Variants in AMPD3 observed in about 807,000 individuals in gnomAD.
AMPD3 encodes adenosine monophosphate deaminase 3.
In AMPD3, 57 loss-of-function variants were observed where a neutral mutation model predicts 82.3. The ratio of observed to expected loss-of-function variants is 0.69; its 90% CI spans 0.56 to 0.86. The LOEUF (loss-of-function observed/expected upper bound fraction) is 0.86. Among genes scored for constraint, AMPD3 ranks in the 40% least tolerant of loss-of-function variants. The pLI is 0.00. For synonymous variants in AMPD3, 381 were observed against 394.7 expected, an observed-to-expected ratio of 0.97 and a Z score of 0.41; for missense variants, 870 against 1,003.8, an observed-to-expected ratio of 0.87 and a Z score of 1.80.
chr11:10,503,002 G>A (rs1213915194), intron 13 of AMPD3, 108 bp downstream of exon 13: 4 of 1,333,536 alleles, frequency 3.0e-6, no homozygotes, highest in Admixed American at 1.9e-5. Context: ...TTTGGGGTGG[G>A]GTTGGTGGCC....
intron 3 of AMPD3, among the ~76,000 whole-genome samples, chr11:10,480,443 C>A (rs1416078673): frequency 6.6e-6 from 1 of 150,606 alleles, no homozygotes; most frequent in Admixed American, 6.6e-5. Context: ...AAGGAATTAA[C>A]ATACCTTATG....
intron 5 of AMPD3, 194 bp from the exon 6 acceptor site, chr11:10,487,041 T>C (rs1849091935): frequency 1.0e-6 from 1 of 978,370 alleles, no homozygotes; most frequent in Non-Finnish European, 1.2e-6. Context: ...CTCCTGACTC[T>C]CCACTGACTT....
At chr11:10,464,793 C>T (rs1402767874) in intron 2 of AMPD3, among the ~76,000 whole-genome samples, 2 of 152,228 alleles carry the variant, frequency 1.3e-5, no homozygotes, top group South Asian at 2.1e-4. Context: ...TTGTCTGTGG[C>T]ACCTCCCATC....
intron 2 of AMPD3, among the ~76,000 whole-genome samples, chr11:10,465,485 G>A (rs1292838425): frequency 6.6e-6 from 1 of 152,218 alleles, no homozygotes; most frequent in Non-Finnish European, 1.5e-5. Flanking sequence ...ATGCAGAAGG[G>A]GGTGATTTCT....
At chr11:10,471,564 G>T (rs1170867885) in intron 2 of AMPD3, among the ~76,000 whole-genome samples, 1 of 152,136 alleles carries the variant, frequency 6.6e-6, no homozygotes, top group East Asian at 1.9e-4. Flanking sequence ...TCTGACAAAG[G>T]GCTAATGTCC....
At chr11:10,499,090 C>T (rs1238604648) in intron 10 of AMPD3, among the ~76,000 whole-genome samples, 1 of 146,560 alleles carries the variant, frequency 6.8e-6, no homozygotes, top group Admixed American at 6.7e-5. Flanking sequence ...CTTAGCCCAG[C>T]AAGGACCCTC....
chr11:10,461,791 G>T (rs370410880), intron 2 of AMPD3, 51 bp downstream of exon 2: 52 of 1,534,500 alleles, frequency 3.4e-5, no homozygotes, highest in African/African-American at 3.2e-4. Flanking sequence ...GCAGACCCAG[G>T]CAGGCTGTGG....
In AMPD3 at chr11:10,482,204, C is replaced by T; in HGVS notation, c.568C>T (p.Pro190Ser). 1.2e-6 allele frequency: 2 copies of T among 1,612,598 alleles called. No homozygotes were observed. The highest frequency in any genetic ancestry group is 1.3e-5 in the African/African-American group (1 of 75,036). ...YLGHPRADTA[P>S]PEEGLPDFHP... Reference sequence around the variant, plus strand: ...GGGTCATCCGCGGGCGGATACTGCACCTCCGGAAGAGGGCCTTCCAGGTAT... The same window carrying T: ...GGGTCATCCGCGGGCGGATACTGCATCTCCGGAAGAGGGCCTTCCAGGTAT... The change falls in exon 4 of 15, where the codon CCT becomes TCT. Residue 190 changes from proline to serine, a missense_variant. Transcript: ENST00000396553.
chr11:10,496,000 C>T (rs1849388485), intron 9 of AMPD3, among the ~76,000 whole-genome samples: 1 of 151,650 alleles, frequency 6.6e-6, no homozygotes, highest in South Asian at 2.1e-4. Flanking sequence ...TCACTGCAAC[C>T]TCCACCTCCC....
intron 12 of AMPD3, chr11:10,502,451 C>T (rs1265660975): frequency 1.0e-6 from 1 of 985,336 alleles, no homozygotes; most frequent in Non-Finnish European, 1.2e-6. Flanking sequence ...TGAGCCTTGC[C>T]TCCAGTTTGG....
intron 2 of AMPD3, among the ~76,000 whole-genome samples, chr11:10,472,306 TA>T (rs1038996449): frequency 6.6e-6 from 1 of 151,156 alleles, no homozygotes; most frequent in African/African-American, 2.4e-5. Flanking sequence ...GGTGAGGGGC[TA>T]GGGGAGGGAT....
intron 2 of AMPD3, among the ~76,000 whole-genome samples, chr11:10,462,112 C>CTGGG (rs1395969778): frequency 8.5e-5 from 13 of 152,282 alleles, no homozygotes; most frequent in African/African-American, 3.1e-4. Context: ...GGGTGCTGTG[C>CTGGG]TGGGACTGGA....
chr11:10,505,053 T>C (rs1849679192), intron 14 of AMPD3: 2 of 922,890 alleles, frequency 2.2e-6, no homozygotes, highest in Admixed American at 1.2e-4. Context: ...GGGCCCTAGA[T>C]AGTCCCTGGC....
chr11:10,470,949 T>C (rs1848572542), intron 2 of AMPD3, among the ~76,000 whole-genome samples: 1 of 152,058 alleles, frequency 6.6e-6, no homozygotes, highest in African/African-American at 2.4e-5. Flanking sequence ...TTCACAGAAT[T>C]AGAAAAAAAC....
chr11:10,478,366 A>G, intron 2 of AMPD3, 160 bp from the exon 3 acceptor site: 1 of 982,774 alleles, frequency 1.0e-6, no homozygotes, highest in Middle Eastern at 5.2e-4. Flanking sequence ...AGACATGTGT[A>G]AGAGGAAGGC....
At chr11:10,475,660 T>C (rs965425513) in intron 2 of AMPD3, among the ~76,000 whole-genome samples, 10 of 152,158 alleles carry the variant, frequency 6.6e-5, no homozygotes, top group Admixed American at 5.9e-4. Context: ...GGGTTATTGG[T>C]AGGCCTGATT....
rs753935873 is a variant in AMPD3 at position 10,501,479 on chromosome 11, C to T, written c.1731C>T (p.Gly577=). ...ACCCCTTCTCTTACAGGGAGCGCGG[C>T]CTGAGCACGTTCCTGTTCCGGCCGC... ...MVLNNLRRER[G]LSTFLFRPHC... Residue 577 remains glycine, a synonymous_variant, in exon 12 of 15, where the codon GGC becomes GGT. Transcript: ENST00000396553. 6 of 1,614,074 alleles carry T rather than the reference C, an allele frequency of 3.7e-6. No individual in the cohort carries two copies. The highest frequency in any genetic ancestry group is 5.1e-6 in the Non-Finnish European group (6 of 1,179,990).
chr11:10,478,185 C>A (rs1438108127), intron 2 of AMPD3: 6 of 985,270 alleles, frequency 6.1e-6, no homozygotes, highest in East Asian at 2.3e-4. Context: ...CTATTGTCCT[C>A]CCCTCTAGTG....
In AMPD3 at chr11:10,455,286, G is replaced by A; in HGVS notation, c.-168G>A. On this transcript the variant is annotated 5_prime_UTR_variant, in exon 1 of 15. Transcript: ENST00000396553. ...CCCACTCTCCTAAAGGGCAGATGAA[G>A]ATCAGAGCTTTGCACCCTGTGATGC... 1.0e-6 allele frequency: 1 copy of A among 985,464 alleles called. No homozygotes were observed. Among genetic ancestry groups the A allele is most frequent in the Non-Finnish European group, 1.2e-6 (1 of 829,968 alleles). The allele number at this position is 985,464 out of a possible 1,614,324, so 61.0% of individuals were successfully genotyped here.
Sources: gnomAD v4.1 joint callset for allele counts (sites outside exome capture counted in the v4.1 genomes callset) on GRCh38, gnomAD v4.1.1 for gene constraint, MANE v1.5 for transcripts, NCBI Gene and HGNC (gene_info 2026-07-23, HGNC 2026-07-21) for gene names.